Variants in PTPRG observed in about 807,000 individuals in gnomAD.
PTPRG encodes protein tyrosine phosphatase receptor type G, also known as receptor-type tyrosine-protein phosphatase gamma.
In PTPRG, 102 loss-of-function variants were observed where a neutral mutation model predicts 165.3. The observed-to-expected ratio is 0.62, with a 90% CI of 0.53 to 0.73. The LOEUF (loss-of-function observed/expected upper bound fraction) is 0.73. Among genes scored for constraint, PTPRG ranks in the 30% least tolerant of loss-of-function variants. The pLI, the probability that PTPRG is intolerant of heterozygous loss-of-function variation, is 0.00. For missense variants in PTPRG, 1,866 were observed against 1,861.4 expected (o/e 1.00, Z -0.05); for synonymous variants, 675 against 669.5 (o/e 1.01, Z -0.13).
intron 2 of PTPRG, among the ~76,000 whole-genome samples, chr3:61,765,342 T>G (rs1196620414): frequency 1.3e-5 from 2 of 152,196 alleles, no homozygotes; most frequent in African/African-American, 4.8e-5. Context: ...AGGTGATGAA[T>G]GTTGATTGTG....
chr3:61,862,685 G>A (rs1443148550), intron 2 of PTPRG, among the ~76,000 whole-genome samples: 2 of 152,080 alleles, frequency 1.3e-5, no homozygotes, highest in East Asian at 1.9e-4. Flanking sequence ...GTAAGCCACC[G>A]TGCCCGGCCT....
At chr3:62,021,857 C>CTT (rs398062374) in intron 4 of PTPRG, among the ~76,000 whole-genome samples, 3,631 of 97,066 alleles carry the variant, frequency 0.037, 64 homozygotes, top group Non-Finnish European at 0.058. Flanking sequence ...TTTTCCTTTT[C>CTT]TTTTTTTTTT....
intron 7 of PTPRG, among the ~76,000 whole-genome samples, chr3:62,163,098 G>A (rs923903180): frequency 2.6e-5 from 4 of 152,088 alleles, no homozygotes; most frequent in Non-Finnish European, 5.9e-5. Flanking sequence ...ACCAGATCTC[G>A]TGAGAATCCA....
At chr3:62,068,704 G>A (rs960572142) in intron 4 of PTPRG, among the ~76,000 whole-genome samples, 1 of 152,042 alleles carries the variant, frequency 6.6e-6, no homozygotes, top group Admixed American at 6.6e-5. Flanking sequence ...ATGTTTCTCA[G>A]GCTGGTCTCA....
At chr3:62,088,224 C>A (rs1321486940) in intron 5 of PTPRG, among the ~76,000 whole-genome samples, 1 of 152,216 alleles carries the variant, frequency 6.6e-6, no homozygotes, top group Non-Finnish European at 1.5e-5. Context: ...TGCTGAACAT[C>A]CTGCAGTGCA....
At chr3:62,104,895 A>G (rs1264563208) in intron 5 of PTPRG, among the ~76,000 whole-genome samples, 1 of 152,202 alleles carries the variant, frequency 6.6e-6, no homozygotes, top group Non-Finnish European at 1.5e-5. Flanking sequence ...TATTGCATTG[A>G]AAAAAGCCTA....
intron 2 of PTPRG, among the ~76,000 whole-genome samples, chr3:61,842,142 T>A (rs184184729): frequency 6.6e-6 from 1 of 152,356 alleles, no homozygotes; most frequent in East Asian, 1.9e-4. Context: ...AATGAGCCTG[T>A]CTCTGAGTAT....
At chr3:62,188,101 T>A (rs1167535907) in intron 8 of PTPRG, among the ~76,000 whole-genome samples, 1 of 152,188 alleles carries the variant, frequency 6.6e-6, no homozygotes, top group East Asian at 1.9e-4. Context: ...GGGCCAGTCA[T>A]GGTGGCTCAC....
rs149051763 is a variant in PTPRG at position 61,839,205 on chromosome 3, C to T, written c.190+90223C>T. On this transcript the variant is annotated intron_variant, in intron 2 of 29. Transcript: ENST00000474889. ...CACAGAAAATTACTTTTATTGGAGG[C>T]AGGAAAAGCTTATTTAATGTGTTAA... is the stretch of plus-strand genomic sequence containing the variant. Among the ~76,000 whole-genome samples, 205 of 152,176 alleles carry T rather than the reference C, an allele frequency of 1.3e-3. 2 individuals are homozygous for T. Among genetic ancestry groups the T allele is most frequent in the South Asian group, 6.6e-3 (32 of 4,818 alleles).
chr3:62,287,370 C>G (rs931868123), intron 28 of PTPRG, among the ~76,000 whole-genome samples: 11 of 151,964 alleles, frequency 7.2e-5, no homozygotes, highest in African/African-American at 2.4e-4. Context: ...CACAATAAAT[C>G]AGAGTTAATA....
intron 1 of PTPRG, among the ~76,000 whole-genome samples, chr3:61,635,541 A>G (rs1368556664): frequency 6.6e-6 from 1 of 151,726 alleles, no homozygotes; most frequent in Admixed American, 6.6e-5. Flanking sequence ...ATTTTTTTGT[A>G]GAGGTGGGGT....
chr3:61,656,933 C>G (rs542066822), intron 1 of PTPRG, among the ~76,000 whole-genome samples: 2 of 152,266 alleles, frequency 1.3e-5, no homozygotes, highest in Non-Finnish European at 1.5e-5. Context: ...CATTCTAGAA[C>G]CTGTGTAGGG....
intron 4 of PTPRG, among the ~76,000 whole-genome samples, chr3:62,053,315 G>T (rs1375600054): frequency 7.2e-6 from 1 of 138,060 alleles, no homozygotes; most frequent in Non-Finnish European, 1.5e-5. Flanking sequence ...CTCCCAGGCT[G>T]GAGTGCAGTG....
At chr3:61,887,170 A>ATATATTTTTT (rs60282456) in intron 2 of PTPRG, among the ~76,000 whole-genome samples, 2 of 115,534 alleles carry the variant, frequency 1.7e-5, no homozygotes, top group East Asian at 6.6e-4. Flanking sequence ...ATATATATAT[A>ATATATTTTTT]TTTTTAATGC....
chr3:62,133,882 C>T (rs1703608607), intron 6 of PTPRG, among the ~76,000 whole-genome samples: 1 of 152,040 alleles, frequency 6.6e-6, no homozygotes, highest in Non-Finnish European at 1.5e-5. Flanking sequence ...ACTCGAGAGG[C>T]TGAGGCAGGA....
rs760733357 is a variant in PTPRG, at chr3:62,267,805, G to T, written c.2860G>T (p.Val954Leu). ...TGIIVMITNL[V>L]EKGRRKCDQY... ...AATCATTGTGATGATTACGAACCTT[G>T]TGGAAAAAGGAAGAGTAAGAGCCTT... Residue 954 changes from valine (V) to leucine (L), a missense_variant, in exon 19 of 30, where the codon GTG becomes TTG. Physicochemically the swap from Val to Leu is conservative, Grantham distance 32. Coordinates refer to ENST00000474889, the MANE Select transcript of PTPRG (RefSeq NM_002841.4). 2 of 1,612,232 alleles carry T rather than the reference G, an allele frequency of 1.2e-6. No individual in the cohort carries two copies.
At position 62,036,560 on chromosome 3, in the gene PTPRG, G is replaced by A. The variant is rs572204712; in HGVS notation, c.519+33063G>A. On this transcript the variant is annotated intron_variant, in intron 4 of 29. Transcript: ENST00000474889. ...CACTCAAGAGTTAAACAAGTCAAGGGTGTTAGCTTTAGGCATGCTTTTGCC... is the reference window on the plus strand; with the variant it reads ...CACTCAAGAGTTAAACAAGTCAAGGATGTTAGCTTTAGGCATGCTTTTGCC... Among the ~76,000 whole-genome samples the A allele has an allele frequency of 3.9e-5, 6 of 152,234 alleles. No individual in the cohort carries two copies. The East Asian group carries it at 1.2e-3, about 29-fold the overall frequency.
chr3:61,810,129 A>T (rs1311254248), intron 2 of PTPRG, among the ~76,000 whole-genome samples: 2 of 152,196 alleles, frequency 1.3e-5, no homozygotes, highest in Non-Finnish European at 2.9e-5. Flanking sequence ...CTGTGAGCAT[A>T]ATAGCATGTT....
chr3:61,866,291 A>G (rs910342550), intron 2 of PTPRG, among the ~76,000 whole-genome samples: 1 of 152,054 alleles, frequency 6.6e-6, no homozygotes, highest in African/African-American at 2.4e-5. Flanking sequence ...AGATGATTTC[A>G]TTTTGCCCAC....
Sources: allele counts gnomAD v4.1 joint callset (sites outside exome capture counted in the v4.1 genomes callset), GRCh38; gene constraint gnomAD v4.1.1; transcripts MANE v1.5; gene names NCBI Gene and HGNC (gene_info 2026-07-23, HGNC 2026-07-21).